PCDH7: variants seen among roughly 807,000 people sequenced by gnomAD.
The protein encoded by PCDH7 is protocadherin 7, also known as protocadherin-7.
PCDH7 carries 17 observed loss-of-function variants against 58.9 expected under a neutral mutation model. The observed-to-expected ratio is 0.29, with a 90% CI of 0.20 to 0.43. The LOEUF is 0.43. PCDH7 is among the 20% of genes least tolerant of loss of function. The probability of loss-of-function intolerance (pLI) is 1.00; values close to 1 mark genes in which losing one functional copy is unlikely to be tolerated. For missense variants in PCDH7, 1,274 were observed against 1,441.0 expected, an observed-to-expected ratio of 0.88 and a Z score of 1.88; for synonymous variants, 664 against 616.4, an observed-to-expected ratio of 1.08 and a Z score of -1.14.
At chr4:30,862,182 G>A (rs13150083) in intron 1 of PCDH7, among the ~76,000 whole-genome samples, 42,444 of 152,020 alleles carry the variant, frequency 0.28, 6,511 homozygotes, top group African/African-American at 0.4. Flanking sequence ...GAATATAAAC[G>A]ATAATAAGGT....
At chr4:30,789,477 C>T (rs80275154) in intron 1 of PCDH7, among the ~76,000 whole-genome samples, 3,503 of 152,230 alleles carry the variant, frequency 0.023, 202 homozygotes, top group East Asian at 0.22. Flanking sequence ...TTTAATTTCA[C>T]GATTAATGTT....
downstream of PCDH7, chr4:31,143,233 G>A (rs1349765689): frequency 6.3e-6 from 1 of 158,074 alleles, no homozygotes; most frequent in East Asian, 1.9e-4. Context: ...CTAAGCTGAA[G>A]CATGATTTTA....
At chr4:31,090,395 G>A (rs953161297) in intron 3 of PCDH7, among the ~76,000 whole-genome samples, 5 of 151,682 alleles carry the variant, frequency 3.3e-5, no homozygotes, top group Admixed American at 3.3e-4. Context: ...GTCACCTACG[G>A]CATTTATCCT....
At chr4:30,760,974 A>G (rs1044930866) in intron 1 of PCDH7, among the ~76,000 whole-genome samples, 4 of 152,196 alleles carry the variant, frequency 2.6e-5, no homozygotes, top group Admixed American at 2.6e-4. Context: ...AACTTGAAAA[A>G]TGAGACGTCT....
chr4:30,790,345 C>CT lies in PCDH7; in HGVS notation c.70+65749_70+65750insT, dbSNP rs573344809. Among the ~76,000 whole-genome samples, 114 of 152,276 alleles carry CT rather than the reference C, an allele frequency of 7.5e-4. 1 individual carries two copies. Among genetic ancestry groups the CT allele is most frequent in the African/African-American group, 2.6e-3 (109 of 41,570 alleles). On this transcript the variant is annotated intron_variant, in intron 1 of 3. Coordinates refer to the PCDH7 transcript ENST00000509759. ...GAGGAAAATGAGATACACAGAGTTT[C>CT]AGTAACTAGTAAAGCTACAGAACTA...
At chr4:30,946,849 A>G (rs1364698853) in intron 2 of PCDH7, among the ~76,000 whole-genome samples, 1 of 151,834 alleles carries the variant, frequency 6.6e-6, no homozygotes, top group Admixed American at 6.6e-5. Flanking sequence ...AGCTGGGATT[A>G]CAGGCGCCCA....
chr4:30,741,181 G>A (rs1353734274), intron 1 of PCDH7, among the ~76,000 whole-genome samples: 1 of 151,874 alleles, frequency 6.6e-6, no homozygotes, highest in African/African-American at 2.4e-5. Context: ...AAAAACTAGT[G>A]AATTAACTAT....
intron 3 of PCDH7, among the ~76,000 whole-genome samples, chr4:31,052,652 A>G (rs1248589125): frequency 6.6e-6 from 1 of 152,192 alleles, no homozygotes; most frequent in Non-Finnish European, 1.5e-5. Context: ...ACCAAGCACA[A>G]GTGATCCTGA....
intron 2 of PCDH7, among the ~76,000 whole-genome samples, chr4:30,934,149 A>G (rs1560514239): frequency 6.6e-6 from 1 of 152,178 alleles, no homozygotes; most frequent in African/African-American, 2.4e-5. Context: ...TGAAGATCTA[A>G]AATCTAATTC....
chr4:30,881,778 A>G (rs1347301793), intron 1 of PCDH7, among the ~76,000 whole-genome samples: 1 of 152,180 alleles, frequency 6.6e-6, no homozygotes, highest in Non-Finnish European at 1.5e-5. Context: ...CCACCTTCAC[A>G]TTTTTAGCAG....
chr4:30,794,870 A>G (rs541378484), intron 1 of PCDH7, among the ~76,000 whole-genome samples: 2 of 152,274 alleles, frequency 1.3e-5, no homozygotes, highest in South Asian at 4.1e-4. Flanking sequence ...CTGTAGTTTG[A>G]TGGCATGAAT....
At chr4:31,143,669 G>A (rs1264008692), downstream of PCDH7, 1 of 151,990 alleles carries the variant, frequency 6.6e-6, no homozygotes, top group African/African-American at 2.4e-5. Flanking sequence ...TAACTAACTT[G>A]AACAATTGTA....
chr4:30,868,546 C>T (rs573205340), intron 1 of PCDH7, among the ~76,000 whole-genome samples: 2 of 151,950 alleles, frequency 1.3e-5, no homozygotes, highest in East Asian at 3.9e-4. Context: ...AATGGCAATT[C>T]CTTGTGCTTA....
chr4:31,002,692 A>T (rs1211497152), intron 3 of PCDH7, among the ~76,000 whole-genome samples: 1 of 152,226 alleles, frequency 6.6e-6, no homozygotes, highest in Admixed American at 6.5e-5. Flanking sequence ...TAATTTTGGC[A>T]TGAAATAATT....
At chr4:30,913,114 C>T (rs1041823374) in intron 1 of PCDH7, among the ~76,000 whole-genome samples, 13 of 151,268 alleles carry the variant, frequency 8.6e-5, no homozygotes, top group African/African-American at 3.2e-4. Context: ...ATAGGTAACA[C>T]CTGTGAATGT....
chr4:30,920,084 T>C, intron 1 of PCDH7, 69 bp from the exon 2 acceptor site: 1 of 1,170,256 alleles, frequency 8.5e-7, no homozygotes. Context: ...ATGTAATTTA[T>C]GTATTTTTTA....
intron 3 of PCDH7, among the ~76,000 whole-genome samples, chr4:30,981,675 G>A (rs939877247): frequency 3.3e-5 from 5 of 152,138 alleles, no homozygotes; most frequent in African/African-American, 9.7e-5. Context: ...TTATAATACA[G>A]CTTCCAAGAA....
chr4:31,140,608 TAAA>T (rs34075687), intron 3 of PCDH7, among the ~76,000 whole-genome samples: 6 of 119,678 alleles, frequency 5.0e-5, no homozygotes, highest in Non-Finnish European at 8.9e-5. Flanking sequence ...TAGGTCAGGT[TAAA>T]AAAAAAAAAA....
intron 3 of PCDH7, among the ~76,000 whole-genome samples, chr4:30,968,100 C>T (rs1458390736): frequency 6.6e-6 from 1 of 151,600 alleles, no homozygotes; most frequent in Non-Finnish European, 1.5e-5. Context: ...GTCATAAACA[C>T]AAGGACACTA....
Sources: allele counts gnomAD v4.1 joint callset (sites outside exome capture counted in the v4.1 genomes callset), GRCh38; gene constraint gnomAD v4.1.1; transcripts MANE v1.5; gene names NCBI Gene and HGNC (gene_info 2026-07-23, HGNC 2026-07-21).